The following ADCY8 variants were observed in gnomAD, a reference collection of about 807,000 sequenced individuals.
ADCY8 encodes the protein adenylate cyclase 8, also known as adenylate cyclase type 8.
A neutral mutation model predicts 119.7 loss-of-function variants in ADCY8; 51 were observed. That is an observed-to-expected ratio of 0.43 (90% CI 0.34 to 0.54). The LOEUF is 0.54. Among genes scored for constraint, ADCY8 ranks in the 20% least tolerant of loss-of-function variants. The pLI, the probability that ADCY8 is intolerant of heterozygous loss-of-function variation, is 0.03. For synonymous variants in ADCY8, 665 were observed against 651.0 expected (o/e 1.02, Z -0.33); for missense variants, 1,383 against 1,598.8 (o/e 0.87, Z 2.30).
At chr8:130,820,689 T>A (rs1816481186) in intron 13 of ADCY8, among the ~76,000 whole-genome samples, 2 of 152,204 alleles carry the variant, frequency 1.3e-5, no homozygotes, top group South Asian at 4.1e-4. Flanking sequence ...TTTGTACAGT[T>A]CTGCCCACAG....
intron 7 of ADCY8, among the ~76,000 whole-genome samples, chr8:130,897,221 C>G (rs1011951795): frequency 1.3e-5 from 2 of 152,078 alleles, no homozygotes; most frequent in Non-Finnish European, 2.9e-5. Flanking sequence ...ATTGGATCCA[C>G]AAGGAGGTTT....
chr8:130,852,279 A>G lies in ADCY8; in HGVS notation c.2211-2476T>C, dbSNP rs201928683. 9.2e-5 allele frequency among the ~76,000 whole-genome samples: 14 copies of G among 152,242 alleles called. No homozygotes were observed. In the East Asian group the frequency reaches 2.7e-3, roughly 29 times the overall value. The stretch of plus-strand genomic sequence containing the variant: ...TTTTTTTTGTTTGTTTTTGACTAGC[A>G]AAGTTTTGATTTTATGGATCACCTT... On this transcript the variant is annotated intron_variant, in intron 9 of 17. Coordinates refer to ENST00000286355, the MANE Select transcript of ADCY8 (RefSeq NM_001115.3).
At chr8:130,917,182 T>A (rs1467597114) in intron 5 of ADCY8, among the ~76,000 whole-genome samples, 1 of 152,208 alleles carries the variant, frequency 6.6e-6, no homozygotes, top group East Asian at 1.9e-4. Context: ...TTTACCTTAA[T>A]AACCTCATTT....
chr8:130,934,670 G>A (rs1249991144), intron 5 of ADCY8, among the ~76,000 whole-genome samples: 1 of 152,156 alleles, frequency 6.6e-6, no homozygotes, highest in Non-Finnish European at 1.5e-5. Context: ...AACATCTGCA[G>A]CCTTTTCCAT....
In ADCY8 at chr8:130,990,450, C is replaced by T. The variant is rs1193843953; in HGVS notation, c.1053G>A (p.Leu351=). ...TGGCCTCCACACACCTCCGAGTCTC[C>T]AGGAAAGCTTGGCGCTGGGCCCGGT... The part of the protein sequence containing the change: ...LSDRAQRQAF[L]ETRRCVEARL... Residue 351 remains leucine, a synonymous_variant, in exon 2 of 18, where the codon CTG becomes CTA. Transcript: ENST00000286355. 6.2e-7 allele frequency: 1 copy of T among 1,614,196 alleles called. No homozygotes were observed. The highest frequency in any genetic ancestry group is 1.7e-5 in the Admixed American group (1 of 60,024).
chr8:131,014,232 C>T (rs1823398957), intron 1 of ADCY8, among the ~76,000 whole-genome samples: 1 of 152,146 alleles, frequency 6.6e-6, no homozygotes, highest in Non-Finnish European at 1.5e-5. Flanking sequence ...TTAGTTTACC[C>T]TTGCTTTTTC....
chr8:130,843,809 G>A (rs1037441060), intron 11 of ADCY8, among the ~76,000 whole-genome samples: 1 of 152,056 alleles, frequency 6.6e-6, no homozygotes, highest in Admixed American at 6.6e-5. Context: ...CAATAAATTT[G>A]ACAGGATGGA....
chr8:131,011,804 C>T lies in ADCY8; in HGVS notation c.961-21262G>A, dbSNP rs538613106. On this transcript the variant is annotated intron_variant, in intron 1 of 17. Transcript: ENST00000286355. The stretch of plus-strand genomic sequence containing the variant: ...TGGTTCCAACACTGACTCTACCCCC[C>T]AGAAGCTGATGCCCAGGTAGAATGC... Among the ~76,000 whole-genome samples, 4 of 152,222 alleles carry T rather than the reference C, an allele frequency of 2.6e-5. No individual in the cohort carries two copies. In the South Asian group the frequency reaches 6.2e-4, roughly 24 times the overall value.
chr8:130,867,753 A>T, intron 9 of ADCY8, 93 bp downstream of exon 9: 1 of 853,084 alleles, frequency 1.2e-6, no homozygotes, highest in Non-Finnish European at 1.8e-6. Context: ...CAGTTATTTT[A>T]AATTCTGATT....
At chr8:130,968,391 T>G (rs10094213) in intron 2 of ADCY8, among the ~76,000 whole-genome samples, 119,176 of 152,088 alleles carry the variant, frequency 0.78, 50,125 homozygotes, top group East Asian at 0.95. Flanking sequence ...CAGAAGGGTC[T>G]CGATCTCCTG....
intron 12 of ADCY8, among the ~76,000 whole-genome samples, chr8:130,835,338 C>G (rs952928487): frequency 6.6e-6 from 1 of 152,190 alleles, no homozygotes. Context: ...TTCTGCCTTC[C>G]TCTGTCCTGA....
At chr8:131,021,102 G>A (rs1369244099) in intron 1 of ADCY8, among the ~76,000 whole-genome samples, 1 of 152,076 alleles carries the variant, frequency 6.6e-6, no homozygotes, top group Non-Finnish European at 1.5e-5. Context: ...TAATTTATTG[G>A]ATGATACAGC....
At position 130,952,147 on chromosome 8, in the gene ADCY8, T is replaced by C. The variant is rs1002890844; in HGVS notation, c.1111-149A>G. On this transcript the variant is annotated intron_variant, in intron 2 of 17. Coordinates refer to ENST00000286355, the MANE Select transcript of ADCY8 (RefSeq NM_001115.3). ...ATTCTATGAATACAACAAATATTTATTGAGTACTTATTATTTGCCAGGCAC... is the reference window on the plus strand; with the variant it reads ...ATTCTATGAATACAACAAATATTTACTGAGTACTTATTATTTGCCAGGCAC... 2.3e-5 allele frequency: 21 copies of C among 925,824 alleles called. No individual in the cohort carries two copies. In the Admixed American group the frequency reaches 3.3e-4, roughly 14 times the overall value. The allele number at this position is 925,824 out of a possible 1,614,324, so 57.4% of individuals were successfully genotyped here.
rs1815160672 is a variant in ADCY8, at chr8:130,783,695, C to G, written c.3264G>C (p.Arg1088=). Residue 1088 remains arginine (R), a synonymous_variant, in exon 17 of 18, where the codon CGG becomes CGC. Coordinates refer to ENST00000286355, the MANE Select transcript of ADCY8 (RefSeq NM_001115.3). ...CCACCTGCAGCTGCTACTCACCAAT[C>G]CGGAGTTCAAAATTGTTGAATGAAT... is the stretch of plus-strand genomic sequence containing the variant. The part of the protein sequence containing the change: ...NKHSFNNFEL[R]IGISHGSVVA... The G allele has an allele frequency of 6.2e-7, 1 of 1,612,046 alleles. No homozygotes were observed. The highest frequency in any genetic ancestry group is 1.1e-5 in the South Asian group (1 of 90,654).
chr8:130,991,161 C>A (rs185765612), intron 1 of ADCY8, among the ~76,000 whole-genome samples: 473 of 152,246 alleles, frequency 3.1e-3, no homozygotes, highest in Non-Finnish European at 5.4e-3. Flanking sequence ...CATTTGCCCC[C>A]CTTCTAACTA....
intron 1 of ADCY8, among the ~76,000 whole-genome samples, chr8:131,026,155 A>T (rs985287597): frequency 6.6e-6 from 1 of 152,202 alleles, no homozygotes; most frequent in Non-Finnish European, 1.5e-5. Context: ...CCCTAAGGTG[A>T]TGGAATTAAG....
chr8:130,882,180 T>C (rs1444491762), intron 8 of ADCY8, among the ~76,000 whole-genome samples: 4 of 150,782 alleles, frequency 2.7e-5, no homozygotes, highest in Non-Finnish European at 5.9e-5. Flanking sequence ...TCACAGTTGA[T>C]GACACCTTAG....
Position 131,040,051 on chromosome 8 carries a change from C to T in ADCY8, c.283G>A (p.Gly95Ser). The change falls in exon 1 of 18, where the codon GGC becomes AGC. Residue 95 changes from glycine to serine, a missense_variant. Transcript: ENST00000286355. ...GDSALPLYSL[G>S]PGERAHSTCG... ...GTGCTGTGCGCTCGCTCTCCCGGGC[C>T]CAGCGAGTAGAGGGGCAGCGCCGAG... The T allele has an allele frequency of 6.5e-7, 1 of 1,547,090 alleles. No homozygotes were observed. Among genetic ancestry groups the T allele is most frequent in the African/African-American group, 1.4e-5 (1 of 73,510 alleles).
intron 1 of ADCY8, among the ~76,000 whole-genome samples, chr8:131,004,921 T>A (rs1321371354): frequency 1.3e-5 from 2 of 152,118 alleles, no homozygotes; most frequent in Non-Finnish European, 2.9e-5. Flanking sequence ...CTTTCAGAGT[T>A]TGGAAGTCAG....
Sources: allele counts gnomAD v4.1 joint callset (sites outside exome capture counted in the v4.1 genomes callset), GRCh38; gene constraint gnomAD v4.1.1; transcripts MANE v1.5; gene names NCBI Gene and HGNC (gene_info 2026-07-23, HGNC 2026-07-21).